SYNPO2: variants seen among roughly 807,000 people sequenced by gnomAD.
SYNPO2 encodes synaptopodin 2, also known as synaptopodin-2.
In SYNPO2, 56 loss-of-function variants were observed where a neutral mutation model predicts 85.0. The ratio of observed to expected loss-of-function variants is 0.66; its 90% CI spans 0.53 to 0.82. SYNPO2 has a LOEUF of 0.82. Among genes scored for constraint, SYNPO2 ranks in the 40% least tolerant of loss-of-function variants. The pLI is 0.00. For missense variants in SYNPO2, 1,575 were observed against 1,534.2 expected, an observed-to-expected ratio of 1.03 and a Z score of -0.44; for synonymous variants, 602 against 591.1, an observed-to-expected ratio of 1.02 and a Z score of -0.27.
At chr4:118,939,160 G>A (rs746672076) in intron 1 of SYNPO2, among the ~76,000 whole-genome samples, 2 of 152,242 alleles carry the variant, frequency 1.3e-5, no homozygotes, top group African/African-American at 4.8e-5. Flanking sequence ...AAAGAAGTTT[G>A]TGTGTGCACA....
At position 119,057,589 on chromosome 4, in the gene SYNPO2, C is replaced by T. The variant is rs1561036472; in HGVS notation, c.3441C>T (p.Phe1147=). Residue 1147 remains phenylalanine (F), a synonymous_variant, in exon 5 of 5, where the codon TTC becomes TTT. Coordinates refer to ENST00000307142, the MANE Select transcript of SYNPO2 (RefSeq NM_133477.3). ...CTCTCGGTCTAGTGGATGATGCTTTCCAACCCAGAAACATCCAGGAATCCA... is the reference window on the plus strand; with the variant it reads ...CTCTCGGTCTAGTGGATGATGCTTTTCAACCCAGAAACATCCAGGAATCCA... ...KSPLGLVDDA[F]QPRNIQESIV... is the part of the protein sequence containing the mutation. The T allele has an allele frequency of 6.2e-7, 1 of 1,614,050 alleles. No homozygotes were observed. Among genetic ancestry groups the T allele is most frequent in the East Asian group, 2.2e-5 (1 of 44,850 alleles).
At chr4:119,033,726 T>G in intron 4 of SYNPO2, 1 of 985,214 alleles carries the variant, frequency 1.0e-6, no homozygotes, top group Non-Finnish European at 1.2e-6. Flanking sequence ...TATTACTGTC[T>G]CCTTTATCTG....
chr4:119,018,640 G>C (rs779193333), intron 1 of SYNPO2, among the ~76,000 whole-genome samples: 16 of 152,232 alleles, frequency 1.1e-4, no homozygotes, highest in Admixed American at 2.0e-4. Flanking sequence ...AGAGTAGAAT[G>C]ATGGTTACCA....
intron 4 of SYNPO2, chr4:119,037,159 C>A: frequency 6.5e-7 from 1 of 1,546,412 alleles, no homozygotes; most frequent in South Asian, 1.2e-5. Context: ...TAAGGACCTA[C>A]TTCCCAGCCT....
At chr4:118,966,812 T>C (rs547179727) in intron 1 of SYNPO2, among the ~76,000 whole-genome samples, 4 of 152,272 alleles carry the variant, frequency 2.6e-5, no homozygotes, top group African/African-American at 9.6e-5. Flanking sequence ...TTTACTAATG[T>C]AGGTTGAACA....
intron 1 of SYNPO2, among the ~76,000 whole-genome samples, chr4:118,926,083 T>G (rs939424518): frequency 2.6e-5 from 4 of 152,094 alleles, no homozygotes; most frequent in Admixed American, 6.6e-5. Flanking sequence ...AGATGGAGCA[T>G]GCCAATTTGC....
At chr4:118,948,009 G>A (rs1256405925) in intron 1 of SYNPO2, among the ~76,000 whole-genome samples, 1 of 152,026 alleles carries the variant, frequency 6.6e-6, no homozygotes, top group African/African-American at 2.4e-5. Context: ...GTCCATAATG[G>A]TCCAAAAGGA....
intron 1 of SYNPO2, among the ~76,000 whole-genome samples, chr4:118,969,309 T>G (rs1735438766): frequency 6.6e-6 from 1 of 152,238 alleles, no homozygotes; most frequent in East Asian, 1.9e-4. Context: ...TTGCACTTTG[T>G]AAAAGTTGTA....
chr4:118,924,879 C>T (rs1028609821), intron 1 of SYNPO2, among the ~76,000 whole-genome samples: 2 of 152,106 alleles, frequency 1.3e-5, no homozygotes, highest in Non-Finnish European at 2.9e-5. Flanking sequence ...TTGCAAAAGC[C>T]CAAATAGTGT....
chr4:118,861,393 G>A (rs543314488), intron 1 of SYNPO2, among the ~76,000 whole-genome samples: 10 of 152,194 alleles, frequency 6.6e-5, no homozygotes, highest in African/African-American at 2.4e-4. Context: ...CGATGGCCTT[G>A]ATCTCCTGAC....
intron 1 of SYNPO2, among the ~76,000 whole-genome samples, chr4:118,976,718 A>G: frequency 6.6e-6 from 1 of 152,174 alleles, no homozygotes; most frequent in African/African-American, 2.4e-5. Flanking sequence ...TGGTGCATTC[A>G]CAAACCTTGA....
At chr4:118,941,800 G>A (rs147007982) in intron 1 of SYNPO2, among the ~76,000 whole-genome samples, 311 of 152,280 alleles carry the variant, frequency 2.0e-3, no homozygotes, top group African/African-American at 7.2e-3. Context: ...CAGACCACAC[G>A]GGGAAACACC....
intron 1 of SYNPO2, among the ~76,000 whole-genome samples, chr4:118,955,178 T>G (rs1734832945): frequency 6.6e-6 from 1 of 152,040 alleles, no homozygotes; most frequent in African/African-American, 2.4e-5. Flanking sequence ...GTTTGCATTT[T>G]TAGTAGAGAT....
intron 1 of SYNPO2, among the ~76,000 whole-genome samples, chr4:118,997,490 G>A (rs1736651414): frequency 6.6e-6 from 1 of 152,156 alleles, no homozygotes; most frequent in Non-Finnish European, 1.5e-5. Context: ...GCTTCAGAGG[G>A]AGGGAAAAAA....
intron 1 of SYNPO2, among the ~76,000 whole-genome samples, chr4:118,991,664 T>C (rs1736420901): frequency 6.6e-6 from 1 of 152,140 alleles, no homozygotes; most frequent in Non-Finnish European, 1.5e-5. Context: ...CCTTAGGCAC[T>C]GACTTTTGCA....
At position 119,031,679 on chromosome 4, in the gene SYNPO2, A is replaced by C. The variant is rs776678282; in HGVS notation, c.2904A>C (p.Gln968His). ...ATGCATTAGATGTCATGAAGCACCA[A>C]CCGTATCAGCTCAATGCATCCTTGT... ...PLNALDVMKH[Q>H]PYQLNASLFT... The change falls in exon 4 of 5, where the codon CAA (glutamine) becomes CAC (histidine). Residue 968 changes from glutamine to histidine, a missense_variant. Physicochemically the swap from Gln to His is conservative, Grantham distance 24 (BLOSUM62 0). This residue lies in a region of SYNPO2 where 1,508 missense variants were observed against 1,446.8 expected (regional missense o/e 1.04). Transcript: ENST00000307142. The C allele has an allele frequency of 7.4e-6, 12 of 1,614,008 alleles. No individual in the cohort carries two copies. The highest frequency in any genetic ancestry group is 1.0e-5 in the Non-Finnish European group (12 of 1,180,028).
intron 1 of SYNPO2, among the ~76,000 whole-genome samples, chr4:118,992,090 A>G (rs1172282795): frequency 6.6e-6 from 1 of 152,116 alleles, no homozygotes; most frequent in African/African-American, 2.4e-5. Context: ...GCGGCAGGAG[A>G]TGGTGCTAGG....
intron 1 of SYNPO2, among the ~76,000 whole-genome samples, chr4:118,871,638 A>C (rs954664653): frequency 6.7e-6 from 1 of 148,676 alleles, no homozygotes; most frequent in African/African-American, 2.5e-5. Flanking sequence ...GCACAATCTC[A>C]GCTTACTGCA....
intron 4 of SYNPO2, among the ~76,000 whole-genome samples, chr4:119,051,792 C>T (rs1739059282): frequency 6.6e-6 from 1 of 152,162 alleles, no homozygotes; most frequent in Non-Finnish European, 1.5e-5. Context: ...CCAGATACAA[C>T]AGATGCTGCC....
Sources: gnomAD v4.1 joint callset for allele counts (sites outside exome capture counted in the v4.1 genomes callset) on GRCh38, gnomAD v4.1.1 for gene constraint, gnomAD v4.1.1 regional missense constraint, MANE v1.5 for transcripts, NCBI Gene and HGNC (gene_info 2026-07-23, HGNC 2026-07-21) for gene names.